Variants in USO1 observed in about 807,000 individuals in gnomAD.
USO1 encodes USO1 vesicle transport factor, also known as general vesicular transport factor p115.
A neutral mutation model predicts 124.5 loss-of-function variants in USO1; 57 were observed. The observed-to-expected ratio is 0.46, with a 90% CI of 0.37 to 0.57. USO1 has a LOEUF of 0.57. Ranked by LOEUF, USO1 falls within the 20% of genes least tolerant of loss-of-function variation. The pLI is 0.00. For missense variants in USO1, 900 were observed against 1,040.6 expected (o/e 0.86, Z 1.86); for synonymous variants, 369 against 362.8 (o/e 1.02, Z -0.19).
intron 4 of USO1, among the ~76,000 whole-genome samples, chr4:75,760,412 G>A (rs1001959205): frequency 5.3e-5 from 8 of 152,110 alleles, no homozygotes; most frequent in Non-Finnish European, 1.0e-4. Flanking sequence ...TATAGCGTAT[G>A]CTAAATCTCT....
At chr4:75,739,315 C>G (rs1443679262) in intron 1 of USO1, among the ~76,000 whole-genome samples, 1 of 152,068 alleles carries the variant, frequency 6.6e-6, no homozygotes, top group Non-Finnish European at 1.5e-5. Flanking sequence ...TTCACCTACT[C>G]ACTAAAATAT....
Position 75,808,994 on chromosome 4 carries a change from G to T in USO1, c.2418G>T (p.Val806=). The T allele has an allele frequency of 6.2e-7, 1 of 1,605,496 alleles. No homozygotes were observed. The highest frequency in any genetic ancestry group is 8.5e-7 in the Non-Finnish European group (1 of 1,176,166). Reference sequence around the variant, plus strand: ...AGTCTCAGTTAAACTCACAATCTGTGGAGATCACCAAACTACAGACAGAAA... The same window carrying T: ...AGTCTCAGTTAAACTCACAATCTGTTGAGATCACCAAACTACAGACAGAAA... ...TLKSQLNSQS[V]EITKLQTEKQ... is the part of the protein sequence containing the mutation. Residue 806 remains valine, a synonymous_variant, in exon 21 of 24, where the codon GTG becomes GTT. Transcript: ENST00000514213.
intron 13 of USO1, among the ~76,000 whole-genome samples, chr4:75,794,263 G>A (rs569213644): frequency 6.6e-6 from 1 of 152,160 alleles, no homozygotes; most frequent in African/African-American, 2.4e-5. Context: ...GTTCATAGCT[G>A]TGTATTTCCC....
At chr4:75,780,201 T>C (rs1177396308) in intron 8 of USO1, among the ~76,000 whole-genome samples, 1 of 152,170 alleles carries the variant, frequency 6.6e-6, no homozygotes, top group Non-Finnish European at 1.5e-5. Flanking sequence ...TTTCAAAATA[T>C]TACTTCTCAT....
intron 1 of USO1, among the ~76,000 whole-genome samples, chr4:75,732,439 T>C (rs1295720555): frequency 6.6e-6 from 1 of 152,228 alleles, no homozygotes; most frequent in Admixed American, 6.5e-5. Flanking sequence ...CTCCACATCT[T>C]TGCAGTTGTG....
rs867457668 is a variant in USO1, at chr4:75,812,317, C to T, written c.2741C>T (p.Ala914Val). The stretch of plus-strand genomic sequence containing the variant: ...CAAGATGATCTCTTGGTGCTCTTGG[C>T]CGATCAAGATCAGAAAATACTGTCA... ...KEQDDLLVLL[A>V]DQDQKILSLK... Residue 914 changes from alanine (A) to valine (V), a missense_variant, in exon 23 of 24, where the codon GCC becomes GTC. Around this residue, in one of 2 missense-constraint regions of USO1, gnomAD observed 362 missense variants for 359.0 expected, o/e 1.01. Coordinates refer to ENST00000514213, the MANE Select transcript of USO1 (RefSeq NM_003715.4). 1.2e-6 allele frequency: 2 copies of T among 1,604,640 alleles called. No individual in the cohort carries two copies. Among genetic ancestry groups the T allele is most frequent in the Non-Finnish European group, 1.7e-6 (2 of 1,175,390 alleles).
At chr4:75,750,095 C>T (rs1721262216) in intron 1 of USO1, among the ~76,000 whole-genome samples, 1 of 152,156 alleles carries the variant, frequency 6.6e-6, no homozygotes, top group Non-Finnish European at 1.5e-5. Flanking sequence ...TATTTTCACC[C>T]AGTCTGTGGT....
intron 8 of USO1, among the ~76,000 whole-genome samples, chr4:75,776,235 C>T (rs1310692668): frequency 6.6e-6 from 1 of 152,168 alleles, no homozygotes; most frequent in Non-Finnish European, 1.5e-5. Flanking sequence ...ACAGCTTCAA[C>T]ATGCTGACTC....
At position 75,812,209 on chromosome 4, in the gene USO1, T is replaced by G; in HGVS notation, c.2633T>G (p.Leu878Arg). 7 of 1,610,032 alleles carry G rather than the reference T, an allele frequency of 4.3e-6. No homozygotes were observed. The highest frequency in any genetic ancestry group is 5.9e-6 in the Non-Finnish European group (7 of 1,178,052). Residue 878 changes from leucine to arginine, a missense_variant, in exon 23 of 24, where the codon CTG becomes CGG. By Grantham distance (102) the Leu-to-Arg change is moderately radical (BLOSUM62 -2). Around this residue, in one of 2 missense-constraint regions of USO1, gnomAD observed 362 missense variants for 359.0 expected, o/e 1.01. Transcript: ENST00000514213. ...GAAAGAACTGCCATTAAAGAGCAGC[T>G]GGATTCATCTAATAGTACCATTGCC... ...SEERTAIKEQ[L>R]DSSNSTIAIL...
At chr4:75,745,409 T>TAA in intron 1 of USO1, 2 of 495,194 alleles carry the variant, frequency 4.0e-6, no homozygotes, top group Non-Finnish European at 8.0e-6. Flanking sequence ...CCTTTGTTAC[T>TAA]AAAAAAAAAT....
rs1723230083 is a variant in USO1 at position 75,814,238 on chromosome 4, T to G, written c.*943T>G. ...ATCCTTGGTCATGGTTCCCTTTGTT[T>G]ACATCTTAAAAGTATTTTATTCTTA... is the stretch of plus-strand genomic sequence containing the variant. On this transcript the variant is annotated 3_prime_UTR_variant, in exon 24 of 24. Coordinates refer to ENST00000514213, the MANE Select transcript of USO1 (RefSeq NM_003715.4). The G allele has an allele frequency of 6.6e-6, 1 of 152,212 alleles. No individual in the cohort carries two copies. Among genetic ancestry groups the G allele is most frequent in the African/African-American group, 2.4e-5 (1 of 41,464 alleles). The allele number at this position is 152,212 out of a possible 1,614,324, so 9.4% of individuals were successfully genotyped here. A position where few individuals can be genotyped will look rare whatever the true frequency, so the allele number is the denominator to read the frequency against.
At chr4:75,729,710 G>A (rs970143394) in intron 1 of USO1, among the ~76,000 whole-genome samples, 4 of 152,080 alleles carry the variant, frequency 2.6e-5, no homozygotes, top group Non-Finnish European at 5.9e-5. Context: ...ATTTGATGAT[G>A]AATCATAGAG....
At chr4:75,808,414 TTAAA>T (rs1333878692) in intron 20 of USO1, among the ~76,000 whole-genome samples, 1 of 152,168 alleles carries the variant, frequency 6.6e-6, no homozygotes, top group Non-Finnish European at 1.5e-5. Flanking sequence ...GATCTATTTC[TTAAA>T]TAGTCTTTTA....
intron 21 of USO1, among the ~76,000 whole-genome samples, chr4:75,809,928 C>G (rs1436384226): frequency 6.6e-6 from 1 of 152,160 alleles, no homozygotes; most frequent in Admixed American, 6.5e-5. Flanking sequence ...TTTGTTGTGT[C>G]ACTACCCGAC....
rs560196567 is a variant in USO1, at chr4:75,801,880, C to T, written c.1986+680C>T. ...TGTTTCCCAGGCTGGAGTGCAGTGGCGCAGTCTCGGCTCACTGCAACCTCC... is the reference window on the plus strand; with the variant it reads ...TGTTTCCCAGGCTGGAGTGCAGTGGTGCAGTCTCGGCTCACTGCAACCTCC... On this transcript the variant is annotated intron_variant, in intron 17 of 23. Transcript: ENST00000514213. Among the ~76,000 whole-genome samples the T allele has an allele frequency of 2.2e-4, 34 of 152,308 alleles. 1 individual carries two copies. Among genetic ancestry groups the T allele is most frequent in the African/African-American group, 6.3e-4 (26 of 41,562 alleles).
intron 1 of USO1, among the ~76,000 whole-genome samples, chr4:75,740,401 C>G (rs1720925669): frequency 6.6e-6 from 1 of 152,158 alleles, no homozygotes; most frequent in African/African-American, 2.4e-5. Flanking sequence ...GATCCTCCTG[C>G]CTCAGCCTCC....
At chr4:75,809,732 C>T (rs1463466324) in intron 21 of USO1, among the ~76,000 whole-genome samples, 1 of 152,192 alleles carries the variant, frequency 6.6e-6, no homozygotes, top group Non-Finnish European at 1.5e-5. Flanking sequence ...CATTCTTCTT[C>T]TCACTATGAC....
At chr4:75,812,079 A>G in intron 22 of USO1, 81 bp from the exon 23 acceptor site, 2 of 1,534,224 alleles carry the variant, frequency 1.3e-6, no homozygotes, top group Non-Finnish European at 1.8e-6. Flanking sequence ...GTGATTTGTC[A>G]TAGAAAGAAA....
chr4:75,772,419 A>C (rs1721958010), intron 7 of USO1, among the ~76,000 whole-genome samples: 1 of 151,930 alleles, frequency 6.6e-6, no homozygotes, highest in African/African-American at 2.4e-5. Context: ...TTGTATTTTT[A>C]GTAGAGACAG....
Sources: allele counts gnomAD v4.1 joint callset (sites outside exome capture counted in the v4.1 genomes callset), GRCh38; gene constraint gnomAD v4.1.1; regional missense constraint gnomAD v4.1.1; transcripts MANE v1.5; gene names NCBI Gene and HGNC (gene_info 2026-07-23, HGNC 2026-07-21).